Variants in TMEM114 observed in about 807,000 individuals in gnomAD.
The protein encoded by TMEM114 is transmembrane protein 114, also known as claudin-26.
A neutral mutation model predicts 6.2 loss-of-function variants in TMEM114; 6 were observed. The observed-to-expected ratio is 0.97, with a 90% confidence interval of 0.53 to 1.91. The LOEUF is 1.91. Among genes scored for constraint, TMEM114 ranks in the 40% most tolerant of loss-of-function variants. TMEM114 has a pLI of 0.01. For missense variants in TMEM114, 218 were observed against 158.3 expected (o/e 1.38, Z -2.02); for synonymous variants, 104 against 73.0 (o/e 1.42, Z -2.16).
At chr16:8,559,882 G>A (rs985630647) in intron 2 of TMEM114, among the ~76,000 whole-genome samples, 3 of 152,188 alleles carry the variant, frequency 2.0e-5, no homozygotes, top group Non-Finnish European at 4.4e-5. Context: ...CCCCAAAGGT[G>A]AGAAGTCGGG....
chr16:8,548,245 T>A (rs1900734169), intron 2 of TMEM114, among the ~76,000 whole-genome samples: 1 of 152,140 alleles, frequency 6.6e-6, no homozygotes, highest in African/African-American at 2.4e-5. Context: ...GAAAAGGACA[T>A]AATATGAGTT....
Position 8,569,530 on chromosome 16 carries a change from G to A in TMEM114, c.*243C>T, listed in dbSNP as rs1358372331. ...TTAAAGGATCGTTTTTATTTCTCGC[G>A]AAGCGGTTTGGCACTCCCTCGGGCT... On this transcript the variant is annotated 3_prime_UTR_variant, in exon 4 of 4. Coordinates refer to ENST00000620492, the MANE Select transcript of TMEM114 (RefSeq NM_001146336.2). 6.5e-6 allele frequency: 9 copies of A among 1,390,328 alleles called. No homozygotes were observed. The highest frequency in any genetic ancestry group is 3.5e-5 in the South Asian group (2 of 57,666). 86.1% of individuals were successfully genotyped at this position (1,390,328 alleles called of 1,614,324 possible).
At chr16:8,559,799 G>A (rs897159389) in intron 2 of TMEM114, among the ~76,000 whole-genome samples, 1 of 152,170 alleles carries the variant, frequency 6.6e-6, no homozygotes, top group South Asian at 2.1e-4. Context: ...CTGTGTGTGC[G>A]TGAAGCCCAG....
At chr16:8,536,680 G>A (rs779667286), downstream of TMEM114, among the ~76,000 whole-genome samples, 1 of 151,806 alleles carries the variant, frequency 6.6e-6, no homozygotes, top group Non-Finnish European at 1.5e-5. Flanking sequence ...TTGTTTGTTT[G>A]TTTGTTTGTT....
chr16:8,538,767 A>G (rs1207846287), intron 2 of TMEM114, among the ~76,000 whole-genome samples: 1 of 152,066 alleles, frequency 6.6e-6, no homozygotes, highest in East Asian at 1.9e-4. Context: ...CGGCCTCCCA[A>G]GGTGCTGGGA....
At chr16:8,551,195 A>C (rs7195878) in intron 2 of TMEM114, among the ~76,000 whole-genome samples, 4,246 of 152,132 alleles carry the variant, frequency 0.028, 202 homozygotes, top group African/African-American at 0.098. Flanking sequence ...CAGGAACAAG[A>C]CTCTGGCCAA....
chr16:8,553,267 C>T (rs1328634275), intron 2 of TMEM114, among the ~76,000 whole-genome samples: 1 of 152,202 alleles, frequency 6.6e-6, no homozygotes, highest in African/African-American at 2.4e-5. Context: ...TCTTTCATAT[C>T]ACTTTGAAAT....
intron 2 of TMEM114, among the ~76,000 whole-genome samples, chr16:8,556,519 G>C (rs1174424479): frequency 6.6e-6 from 1 of 151,732 alleles, no homozygotes; most frequent in African/African-American, 2.4e-5. Flanking sequence ...TTGTTGTTTT[G>C]AGATGGAGTT....
At chr16:8,582,146 G>A (rs970995718) in intron 2 of TMEM114, among the ~76,000 whole-genome samples, 1 of 152,182 alleles carries the variant, frequency 6.6e-6, no homozygotes, top group African/African-American at 2.4e-5. Flanking sequence ...AGGACAGCGT[G>A]GCCAGACCAC....
intron 2 of TMEM114, among the ~76,000 whole-genome samples, chr16:8,546,429 T>C: frequency 6.6e-6 from 1 of 152,148 alleles, no homozygotes; most frequent in East Asian, 1.9e-4. Flanking sequence ...AGACTCTATA[T>C]AAAGATGAAC....
intron 2 of TMEM114, among the ~76,000 whole-genome samples, chr16:8,557,648 G>C (rs146835419): frequency 5.8e-4 from 89 of 152,306 alleles, no homozygotes; most frequent in Middle Eastern, 3.4e-3. Context: ...CAGCAGCCTT[G>C]GTCCCTTTTC....
At chr16:8,581,620 A>G (rs1214800558) in intron 2 of TMEM114, among the ~76,000 whole-genome samples, 1 of 152,128 alleles carries the variant, frequency 6.6e-6, no homozygotes, top group Non-Finnish European at 1.5e-5. Flanking sequence ...CACCTGGCTA[A>G]TTTTTGTATT....
chr16:8,540,901 G>A lies in TMEM114; in HGVS notation n.213-3075C>T, dbSNP rs540177429. Among the ~76,000 whole-genome samples the A allele has an allele frequency of 1.2e-4, 18 of 152,332 alleles. No homozygotes were observed. In the South Asian group the frequency reaches 3.1e-3, roughly 26 times the overall value. On this transcript the variant is annotated intron_variant and non_coding_transcript_variant, in intron 2 of 2. Coordinates refer to the TMEM114 transcript ENST00000623677. ...AGGGCAGGCTTCCCTGGAGAGTAAA[G>A]TTTGAGCTGAGATGGAACTCAGGTT... is the stretch of plus-strand genomic sequence containing the variant.
intron 2 of TMEM114, among the ~76,000 whole-genome samples, chr16:8,574,055 C>A (rs72780547): frequency 0.1 from 15,287 of 152,148 alleles, 890 homozygotes; most frequent in South Asian, 0.14. Flanking sequence ...AGGCAGGAAA[C>A]TATGTCAGTT....
chr16:8,552,918 T>A (rs1900891298), intron 2 of TMEM114, among the ~76,000 whole-genome samples: 1 of 152,184 alleles, frequency 6.6e-6, no homozygotes, highest in South Asian at 2.1e-4. Context: ...GATCACTCAC[T>A]TTAGGTCTCT....
At chr16:8,585,006 G>A (rs182895370) in intron 2 of TMEM114, among the ~76,000 whole-genome samples, 1,659 of 151,932 alleles carry the variant, frequency 0.011, 14 homozygotes, top group Middle Eastern at 0.034. Flanking sequence ...AATTTATAAA[G>A]GAAAGAGGTT....
intron 2 of TMEM114, among the ~76,000 whole-genome samples, chr16:8,574,000 T>C (rs147020770): frequency 2.4e-4 from 37 of 152,268 alleles, no homozygotes; most frequent in African/African-American, 8.2e-4. Context: ...AGTGAATGAA[T>C]GAGTGAGTGA....
chr16:8,547,864 A>C (rs1900721414), intron 2 of TMEM114, among the ~76,000 whole-genome samples: 1 of 152,132 alleles, frequency 6.6e-6, no homozygotes, highest in Non-Finnish European at 1.5e-5. Flanking sequence ...ACAGCTGAGA[A>C]ACCCCTCTTA....
chr16:8,540,004 G>C (rs536953193), intron 2 of TMEM114, among the ~76,000 whole-genome samples: 25 of 152,052 alleles, frequency 1.6e-4, no homozygotes, highest in African/African-American at 5.8e-4. Context: ...TTTTAGTAGA[G>C]ATGGGGTTTC....
Sources: gnomAD v4.1 joint callset for allele counts (sites outside exome capture counted in the v4.1 genomes callset) on GRCh38, gnomAD v4.1.1 for gene constraint, MANE v1.5 for transcripts, NCBI Gene and HGNC (gene_info 2026-07-23, HGNC 2026-07-21) for gene names.